CTNNA3: variants seen among roughly 807,000 people sequenced by gnomAD.
CTNNA3 encodes the protein catenin alpha-3.
CTNNA3 carries 76 observed loss-of-function variants against 95.7 expected under a neutral mutation model. That is an observed-to-expected ratio of 0.79 (90% CI 0.66 to 0.96). CTNNA3 has a LOEUF of 0.96. CTNNA3 is among the 40% of genes least tolerant of loss of function. The probability of loss-of-function intolerance (pLI) is 0.00; values close to 1 mark genes in which losing one functional copy is unlikely to be tolerated. For synonymous variants in CTNNA3, 431 were observed against 374.4 expected (o/e 1.15, Z -1.74); for missense variants, 1,191 against 1,089.8 (o/e 1.09, Z -1.31).
chr10:67,410,204 A>G (rs1205468194), intron 5 of CTNNA3, among the ~76,000 whole-genome samples: 3 of 152,204 alleles, frequency 2.0e-5, no homozygotes, highest in Admixed American at 2.0e-4. Context: ...TGTCACTTGC[A>G]GGGACATGGA....
chr10:66,914,804 C>T (rs1445962603), intron 7 of CTNNA3, among the ~76,000 whole-genome samples: 2 of 152,118 alleles, frequency 1.3e-5, no homozygotes. Context: ...CAACCATAGA[C>T]AATGCATAAA....
intron 5 of CTNNA3, among the ~76,000 whole-genome samples, chr10:67,261,671 C>T (rs1866614283): frequency 6.6e-6 from 1 of 152,104 alleles, no homozygotes; most frequent in South Asian, 2.1e-4. Context: ...ATTTTTATAG[C>T]TCAAAGAGGC....
At chr10:66,155,941 C>T (rs533409824) in intron 13 of CTNNA3, among the ~76,000 whole-genome samples, 1 of 151,498 alleles carries the variant, frequency 6.6e-6, no homozygotes, top group Non-Finnish European at 1.5e-5. Flanking sequence ...AAAGGAAACA[C>T]AACAGAAAAA....
At chr10:66,528,982 T>C (rs1331172779) in intron 10 of CTNNA3, among the ~76,000 whole-genome samples, 1 of 152,182 alleles carries the variant, frequency 6.6e-6, no homozygotes, top group South Asian at 2.1e-4. Flanking sequence ...GATTTTGCTA[T>C]ATTTTGATAT....
At chr10:67,722,777 G>T (rs576917868) in intron 1 of CTNNA3, among the ~76,000 whole-genome samples, 1 of 151,938 alleles carries the variant, frequency 6.6e-6, no homozygotes, top group Non-Finnish European at 1.5e-5. Context: ...TGACTGCATG[G>T]TTTCATAAAT....
chr10:67,733,060 C>T (rs557039476), intron 1 of CTNNA3, among the ~76,000 whole-genome samples: 2 of 152,160 alleles, frequency 1.3e-5, no homozygotes, highest in South Asian at 2.1e-4. Context: ...ATTCCAACAC[C>T]CCACTACATA....
intron 5 of CTNNA3, among the ~76,000 whole-genome samples, chr10:67,348,216 A>C (rs1842505117): frequency 6.6e-6 from 1 of 152,182 alleles, no homozygotes; most frequent in Non-Finnish European, 1.5e-5. Context: ...ATAGTGGAAA[A>C]TCTTCATGAC....
intron 7 of CTNNA3, among the ~76,000 whole-genome samples, chr10:67,067,996 A>G (rs1397800636): frequency 6.6e-6 from 1 of 152,260 alleles, no homozygotes; most frequent in African/African-American, 2.4e-5. Flanking sequence ...GTGTCAAATT[A>G]GTAGGTAATC....
At chr10:66,945,823 G>C (rs1848242271) in intron 7 of CTNNA3, among the ~76,000 whole-genome samples, 1 of 152,102 alleles carries the variant, frequency 6.6e-6, no homozygotes, top group Non-Finnish European at 1.5e-5. Context: ...TGTGTCTCAG[G>C]GAATAGGGAG....
At chr10:67,284,111 G>C (rs1292888984) in intron 5 of CTNNA3, among the ~76,000 whole-genome samples, 3 of 152,202 alleles carry the variant, frequency 2.0e-5, no homozygotes, top group African/African-American at 7.2e-5. Context: ...CCTAGAGAGA[G>C]GGAGATGGAA....
intron 5 of CTNNA3, among the ~76,000 whole-genome samples, chr10:67,441,335 A>T (rs183487966): frequency 7.2e-5 from 11 of 152,224 alleles, no homozygotes; most frequent in Admixed American, 5.2e-4. Context: ...GAAAGGGCAA[A>T]TCTAAGAATT....
chr10:66,417,770 T>C (rs2093158840), intron 11 of CTNNA3, among the ~76,000 whole-genome samples: 2 of 151,986 alleles, frequency 1.3e-5, no homozygotes, highest in Non-Finnish European at 2.9e-5. Flanking sequence ...AACATGCCCC[T>C]GAACAACCAT....
intron 9 of CTNNA3, among the ~76,000 whole-genome samples, chr10:66,623,038 A>T: frequency 6.6e-6 from 1 of 152,074 alleles, no homozygotes; most frequent in South Asian, 2.1e-4. Context: ...GTTGGCTTGA[A>T]GGTCACAATG....
At chr10:67,128,120 A>C (rs1398301439) in intron 7 of CTNNA3, among the ~76,000 whole-genome samples, 1 of 152,134 alleles carries the variant, frequency 6.6e-6, no homozygotes. Context: ...ATTCACATTT[A>C]ACCTTGTGAT....
chr10:67,268,308 ATAAATTAAAT>A lies in CTNNA3; in HGVS notation c.580-48448_580-48439del, dbSNP rs200272425. Among the ~76,000 whole-genome samples, 1,885 of 126,932 alleles carry A rather than the reference ATAAATTAAAT, an allele frequency of 0.015. 86 individuals carry two copies. The East Asian group carries it at 0.18, about 12-fold the overall frequency. The allele number at this position is 126,932 out of a possible 152,430, so 83.3% of individuals were successfully genotyped here. On this transcript the variant is annotated intron_variant, in intron 5 of 17. Coordinates refer to ENST00000433211, the MANE Select transcript of CTNNA3 (RefSeq NM_013266.4). ...TAGAAAGACTCCCATCTCTACAAAA[ATAAATTAAAT>A]TAAATTAAATTAAATTAAATTAAAT...
chr10:66,217,495 G>T (rs1222466847), intron 13 of CTNNA3, among the ~76,000 whole-genome samples: 2 of 152,048 alleles, frequency 1.3e-5, no homozygotes, highest in Non-Finnish European at 2.9e-5. Context: ...AGTATTGTAT[G>T]GGATGGATAT....
chr10:67,539,111 A>G (rs2133201830), intron 4 of CTNNA3, among the ~76,000 whole-genome samples: 1 of 152,324 alleles, frequency 6.6e-6, no homozygotes, highest in Middle Eastern at 3.4e-3. Context: ...TTTACAAACC[A>G]GGATAAATTT....
intron 1 of CTNNA3, among the ~76,000 whole-genome samples, chr10:67,695,753 C>A (rs961777743): frequency 2.6e-5 from 4 of 152,154 alleles, no homozygotes; most frequent in Non-Finnish European, 5.9e-5. Context: ...ATGCAAAGCA[C>A]GACCTTGGCT....
chr10:65,924,335 A>G (rs919277579), intron 17 of CTNNA3, among the ~76,000 whole-genome samples: 3 of 152,076 alleles, frequency 2.0e-5, no homozygotes, highest in Non-Finnish European at 4.4e-5. Flanking sequence ...ATAATATTAA[A>G]CCCTGCATCT....
Sources: gnomAD v4.1 joint callset for allele counts (sites outside exome capture counted in the v4.1 genomes callset) on GRCh38, gnomAD v4.1.1 for gene constraint, MANE v1.5 for transcripts, NCBI Gene and HGNC (gene_info 2026-07-23, HGNC 2026-07-21) for gene names.